Variants in DDI2 observed in about 807,000 individuals in gnomAD.
The protein encoded by DDI2 is DDI proteasomal shuttling factor 2.
A neutral mutation model predicts 48.1 loss-of-function variants in DDI2; 5 were observed. The observed-to-expected ratio is 0.10, with a 90% CI of 0.05 to 0.22. The LOEUF is 0.22. Ranked by LOEUF, DDI2 falls within the 10% of genes least tolerant of loss-of-function variation. DDI2 has a pLI of 1.00. For missense variants in DDI2, 285 were observed against 506.2 expected, an observed-to-expected ratio of 0.56 and a Z score of 4.19; for synonymous variants, 205 against 183.6, an observed-to-expected ratio of 1.12 and a Z score of -0.94.
At chr1:15,638,255 T>A in intron 4 of DDI2, 52 bp from the exon 5 acceptor site, 2 of 1,608,782 alleles carry the variant, frequency 1.2e-6, no homozygotes, top group Non-Finnish European at 1.7e-6. Flanking sequence ...TGAAACTGAT[T>A]TCTCTCCATG....
At chr1:15,631,535 C>T (rs1408596370) in intron 3 of DDI2, among the ~76,000 whole-genome samples, 1 of 152,184 alleles carries the variant, frequency 6.6e-6, no homozygotes, top group Non-Finnish European at 1.5e-5. Flanking sequence ...TGACTCATTC[C>T]TCAATTGACT....
In DDI2 at chr1:15,660,842, A is replaced by T. The variant is rs1640360825; in HGVS notation, c.*1052A>T. 1 of 1,614,102 alleles carries T rather than the reference A, an allele frequency of 6.2e-7. No individual in the cohort carries two copies. Among genetic ancestry groups the T allele is most frequent in the African/African-American group, 1.3e-5 (1 of 74,944 alleles). ...GTTGAAATACCTGGAACAAATAAAG[A>T]ATATGGCCATTACTCCTCTCCAAGT... On this transcript the variant is annotated 3_prime_UTR_variant, in exon 10 of 10. Transcript: ENST00000480945.
At chr1:15,633,635 A>T in intron 4 of DDI2, 70 bp downstream of exon 4, 27 of 1,589,116 alleles carry the variant, frequency 1.7e-5, no homozygotes, top group Non-Finnish European at 2.2e-5. Context: ...GTTATCTGAC[A>T]TTGGTTGGGC....
Position 15,660,976 on chromosome 1 carries a change from G to C in DDI2, c.*1186G>C. 6.2e-7 allele frequency: 1 copy of C among 1,613,926 alleles called. No individual in the cohort carries two copies. The highest frequency in any genetic ancestry group is 8.5e-7 in the Non-Finnish European group (1 of 1,179,946). On this transcript the variant is annotated 3_prime_UTR_variant, in exon 10 of 10. Coordinates refer to ENST00000480945, the MANE Select transcript of DDI2 (RefSeq NM_032341.5). ...ACTTTTGGTTGTTAGCAGTAAACCAGCTTCAGAAAATACATCTGAAGAAGT... is the reference window on the plus strand; with the variant it reads ...ACTTTTGGTTGTTAGCAGTAAACCACCTTCAGAAAATACATCTGAAGAAGT...
intron 4 of DDI2, among the ~76,000 whole-genome samples, chr1:15,634,802 G>A (rs1353204605): frequency 6.6e-6 from 1 of 151,930 alleles, no homozygotes; most frequent in African/African-American, 2.4e-5. Flanking sequence ...AAAGTGCTAG[G>A]ATTATAGGGA....
At position 15,638,341 on chromosome 1, in the gene DDI2, A is replaced by G; in HGVS notation, c.667A>G (p.Met223Val). The G allele has an allele frequency of 6.2e-7, 1 of 1,614,032 alleles. No homozygotes were observed. Among genetic ancestry groups the G allele is most frequent in the Non-Finnish European group, 8.5e-7 (1 of 1,179,964 alleles). Residue 223 changes from methionine (M) to valine (V), a missense_variant, in exon 5 of 10, where the codon ATG (methionine) becomes GTG (valine). Around this residue, in one of 3 missense-constraint regions of DDI2, gnomAD observed 70 missense variants for 182.3 expected, o/e 0.38. Transcript: ENST00000480945. ...QNIEENMTIA[M>V]EEAPESFGQV... Reference sequence around the variant, plus strand: ...CATTGAGGAAAACATGACAATAGCTATGGAAGAGGCTCCGGAAAGTTTTGG... The same window carrying G: ...CATTGAGGAAAACATGACAATAGCTGTGGAAGAGGCTCCGGAAAGTTTTGG...
rs114838139 is a variant in DDI2, at chr1:15,661,272, T to C, written c.*1482T>C. On this transcript the variant is annotated 3_prime_UTR_variant, in exon 10 of 10. Coordinates refer to ENST00000480945, the MANE Select transcript of DDI2 (RefSeq NM_032341.5). ...TCCCCAAATCTAGGGAATCCATAAA[T>C]AAGAACCGTTCTGTCACTGTAACCT... The C allele has an allele frequency of 1.7e-3, 2,779 of 1,614,114 alleles. 44 individuals carry two copies. The African/African-American group carries it at 0.029, about 17-fold the overall frequency.
intron 8 of DDI2, chr1:15,656,302 A>T: frequency 1.3e-6 from 1 of 766,768 alleles, no homozygotes; most frequent in Non-Finnish European, 1.8e-6. Flanking sequence ...TTAATCACCT[A>T]ATTCGATCAG....
intron 8 of DDI2, among the ~76,000 whole-genome samples, chr1:15,654,671 A>C (rs1265083974): frequency 6.6e-6 from 1 of 151,992 alleles, no homozygotes; most frequent in African/African-American, 2.4e-5. Flanking sequence ...AAAAAAAAAA[A>C]AACAACAGAA....
chr1:15,656,325 T>A (rs1640273182), intron 8 of DDI2: 3 of 1,068,880 alleles, frequency 2.8e-6, no homozygotes, highest in Non-Finnish European at 3.7e-6. Context: ...GGATCTACTT[T>A]CTTCACCTGT....
In DDI2 at chr1:15,665,924, G is replaced by A. The variant is rs1233231614; in HGVS notation, c.*6134G>A. 1 of 152,014 alleles carries A rather than the reference G, an allele frequency of 6.6e-6. No homozygotes were observed. The highest frequency in any genetic ancestry group is 1.5e-5 in the Non-Finnish European group (1 of 68,018). 9.4% of individuals were successfully genotyped at this position (152,014 alleles called of 1,614,324 possible). On this transcript the variant is annotated 3_prime_UTR_variant, in exon 10 of 10. Coordinates refer to ENST00000480945, the MANE Select transcript of DDI2 (RefSeq NM_032341.5). Reference sequence around the variant, plus strand: ...AGATTATGCATTCTACTGTTCTCTAGCACAAGTACTCACCAAAAAGCCAAA... The same window carrying A: ...AGATTATGCATTCTACTGTTCTCTAACACAAGTACTCACCAAAAAGCCAAA...
At chr1:15,646,741 A>G (rs546182821) in intron 6 of DDI2, among the ~76,000 whole-genome samples, 14 of 152,172 alleles carry the variant, frequency 9.2e-5, no homozygotes, top group African/African-American at 2.4e-4. Context: ...CTTTTTTGCA[A>G]TGTTTTAGGA....
At chr1:15,620,813 C>A (rs1379874452) in intron 1 of DDI2, among the ~76,000 whole-genome samples, 1 of 152,024 alleles carries the variant, frequency 6.6e-6, no homozygotes, top group Non-Finnish European at 1.5e-5. Flanking sequence ...ACATTGTACA[C>A]ACACAAAATG....
chr1:15,637,293 A>G (rs1047414781), intron 4 of DDI2, among the ~76,000 whole-genome samples: 6 of 151,814 alleles, frequency 4.0e-5, no homozygotes, highest in African/African-American at 1.5e-4. Flanking sequence ...CTGAGCTCAA[A>G]CTCCTGAGCT....
rs527496293 is a variant in DDI2, at chr1:15,654,592, G to T, written c.1184-2025G>T. On this transcript the variant is annotated intron_variant, in intron 8 of 9. Transcript: ENST00000480945. ...GATCACCTAAGCCCAGGAGGTCAAGGCTGCTGTGAGCCATCATCGCTGCCA... is the reference window on the plus strand; with the variant it reads ...GATCACCTAAGCCCAGGAGGTCAAGTCTGCTGTGAGCCATCATCGCTGCCA... Among the ~76,000 whole-genome samples, 6 of 151,692 alleles carry T rather than the reference G, an allele frequency of 4.0e-5. No homozygotes were observed. The East Asian group carries it at 1.2e-3, about 29-fold the overall frequency.
chr1:15,656,924 G>C (rs1446792953), intron 9 of DDI2: 1 of 425,348 alleles, frequency 2.4e-6, no homozygotes, highest in African/African-American at 2.0e-5. Flanking sequence ...AGTTAAAACA[G>C]TGTCTATTAT....
At chr1:15,652,449 AG>A (rs1169848525) in intron 8 of DDI2, among the ~76,000 whole-genome samples, 377 of 8,220 alleles carry the variant, frequency 0.046, 30 homozygotes, top group South Asian at 0.13. Context: ...GAGGCTCCGG[AG>A]GGGGGGGGGG....
rs1383382829 is a variant in DDI2, at chr1:15,663,370, T to A, written c.*3580T>A. ...ACATTTTTTTCTACCCCATCCAACT[T>A]CTTTCTTTCCTTTTGCTATGATGTT... On this transcript the variant is annotated 3_prime_UTR_variant, in exon 10 of 10. Transcript: ENST00000480945. 6.6e-6 allele frequency: 1 copy of A among 152,204 alleles called. No homozygotes were observed. The highest frequency in any genetic ancestry group is 2.1e-4 in the South Asian group (1 of 4,832). 9.4% of individuals were successfully genotyped at this position (152,204 alleles called of 1,614,324 possible). A position where few individuals can be genotyped will look rare whatever the true frequency, so the allele number is the denominator to read the frequency against.
chr1:15,635,390 G>A (rs1639912001), intron 4 of DDI2, among the ~76,000 whole-genome samples: 2 of 152,226 alleles, frequency 1.3e-5, no homozygotes, highest in East Asian at 1.9e-4. Flanking sequence ...AGGAAATAGG[G>A]TGACACATCT....
Sources: allele counts gnomAD v4.1 joint callset (sites outside exome capture counted in the v4.1 genomes callset), GRCh38; gene constraint gnomAD v4.1.1; regional missense constraint gnomAD v4.1.1; transcripts MANE v1.5; gene names NCBI Gene and HGNC (gene_info 2026-07-23, HGNC 2026-07-21).